Variants in FBXL13 observed in about 807,000 individuals in gnomAD.
FBXL13 encodes F-box and leucine-rich repeat protein 13.
A neutral mutation model predicts 83.6 loss-of-function variants in FBXL13; 67 were observed. The ratio of observed to expected loss-of-function variants is 0.80; its 90% CI spans 0.66 to 0.98. The LOEUF is 0.98. Ranked by LOEUF, FBXL13 falls within the 50% of genes least tolerant of loss-of-function variation. FBXL13 has a pLI of 0.00. For missense variants in FBXL13, 822 were observed against 866.5 expected (o/e 0.95, Z 0.64); for synonymous variants, 272 against 299.5 (o/e 0.91, Z 0.95).
At chr7:102,935,235 T>C (rs1353913057) in intron 8 of FBXL13, among the ~76,000 whole-genome samples, 4 of 129,944 alleles carry the variant, frequency 3.1e-5, no homozygotes, top group African/African-American at 1.1e-4. Context: ...CCTTTTTTTT[T>C]TTCTTTCTTT....
chr7:102,926,111 AC>A (rs765517275), intron 10 of FBXL13, among the ~76,000 whole-genome samples, 162 bp downstream of exon 11: 5 of 152,222 alleles, frequency 3.3e-5, no homozygotes, highest in Non-Finnish European at 7.3e-5. Context: ...CAGTTCAGGC[AC>A]CAGCTTAGGG....
At chr7:102,830,613 C>T (rs891974903) in intron 18 of FBXL13, among the ~76,000 whole-genome samples, 1 of 152,154 alleles carries the variant, frequency 6.6e-6, no homozygotes, top group Non-Finnish European at 1.5e-5. Context: ...TCACGGTTTA[C>T]CACATCTTTT....
chr7:103,002,303 C>T (rs1218282179), intron 6 of FBXL13, among the ~76,000 whole-genome samples: 3 of 152,148 alleles, frequency 2.0e-5, no homozygotes, highest in Non-Finnish European at 4.4e-5. Flanking sequence ...TAAAACTCTA[C>T]ACTTTAACTC....
Position 102,959,766 on chromosome 7 carries a change from C to A in FBXL13, c.724+3767G>T, listed in dbSNP as rs1169338076. ...AAAGACAAATATCACAATGGAAGTACAAAGCAGTCAGTCTGGAAAAAATTG... is the reference window on the plus strand; with the variant it reads ...AAAGACAAATATCACAATGGAAGTAAAAAGCAGTCAGTCTGGAAAAAATTG... On this transcript the variant is annotated intron_variant, in intron 8 of 19. Coordinates refer to ENST00000313221, the Ensembl canonical transcript of FBXL13. 2.0e-5 allele frequency among the ~76,000 whole-genome samples: 3 copies of A among 151,828 alleles called. No homozygotes were observed. The East Asian group carries it at 5.8e-4, about 29-fold the overall frequency.
intron 17 of FBXL13, among the ~76,000 whole-genome samples, chr7:102,840,701 T>C (rs1802775202): frequency 6.6e-6 from 1 of 152,108 alleles, no homozygotes; most frequent in Non-Finnish European, 1.5e-5. Context: ...TAAGAGGTGA[T>C]CTAATCAAGG....
intron 8 of FBXL13, among the ~76,000 whole-genome samples, chr7:102,947,626 T>A (rs954517249): frequency 3.9e-5 from 6 of 152,192 alleles, no homozygotes; most frequent in Non-Finnish European, 8.8e-5. Context: ...TACTTTATAG[T>A]TACTCTTGTA....
intron 18 of FBXL13, among the ~76,000 whole-genome samples, chr7:102,824,645 C>A (rs1799305572): frequency 6.6e-6 from 1 of 152,118 alleles, no homozygotes; most frequent in Non-Finnish European, 1.5e-5. Flanking sequence ...GCCACCACGC[C>A]CAACTAATTT....
At chr7:102,866,922 C>T (rs1807732935) in intron 16 of FBXL13, among the ~76,000 whole-genome samples, 2 of 152,142 alleles carry the variant, frequency 1.3e-5, no homozygotes, top group Admixed American at 1.3e-4. Flanking sequence ...TATAGGGAGA[C>T]AGGCATGGAA....
intron 6 of FBXL13, among the ~76,000 whole-genome samples, chr7:103,003,357 G>A (rs1241433413): frequency 3.0e-5 from 4 of 132,758 alleles, no homozygotes; most frequent in South Asian, 2.4e-4. Flanking sequence ...GTGTGATCTC[G>A]GCTCACTGCA....
intron 6 of FBXL13, among the ~76,000 whole-genome samples, chr7:102,993,382 G>A (rs985637897): frequency 2.6e-5 from 4 of 152,120 alleles, no homozygotes; most frequent in African/African-American, 7.2e-5. Context: ...AAATCTGAAG[G>A]TGATTTTATA....
chr7:102,910,120 G>A (rs1489510666), intron 11 of FBXL13, among the ~76,000 whole-genome samples: 5 of 152,064 alleles, frequency 3.3e-5, no homozygotes, highest in South Asian at 2.1e-4. Flanking sequence ...TGCTCCCTCC[G>A]TGGGTGGGCA....
At chr7:103,036,104 A>G (rs903290697) in intron 2 of FBXL13, among the ~76,000 whole-genome samples, 1 of 152,168 alleles carries the variant, frequency 6.6e-6, no homozygotes, top group Non-Finnish European at 1.5e-5. Flanking sequence ...CAAAGGATCT[A>G]GGTTGTGCAT....
intron 11 of FBXL13, among the ~76,000 whole-genome samples, chr7:102,899,781 A>T (rs1304625309): frequency 6.6e-6 from 1 of 152,182 alleles, no homozygotes; most frequent in African/African-American, 2.4e-5. Context: ...TGTGTATCTA[A>T]TCCCCAAAGA....
intron 5 of FBXL13, among the ~76,000 whole-genome samples, chr7:103,026,022 T>C (rs2129488288): frequency 6.6e-6 from 1 of 151,040 alleles, no homozygotes; most frequent in South Asian, 2.1e-4. Context: ...GATGATATTA[T>C]AGTACATATA....
At chr7:102,941,747 CAA>C (rs111478330) in intron 8 of FBXL13, among the ~76,000 whole-genome samples, 8 of 131,286 alleles carry the variant, frequency 6.1e-5, no homozygotes, top group Admixed American at 7.6e-5. Context: ...AAAGCTGTCT[CAA>C]AAAAAAAAAA....
At chr7:102,992,856 C>T (rs953759014) in intron 6 of FBXL13, among the ~76,000 whole-genome samples, 1 of 152,222 alleles carries the variant, frequency 6.6e-6, no homozygotes, top group Admixed American at 6.5e-5. Flanking sequence ...ATCCACCTGC[C>T]TGTGCCTCCA....
At chr7:102,996,466 AAAC>A (rs1381351212) in intron 6 of FBXL13, among the ~76,000 whole-genome samples, 4 of 152,174 alleles carry the variant, frequency 2.6e-5, no homozygotes, top group Admixed American at 6.5e-5. Flanking sequence ...ACTGCAACCT[AAAC>A]AACATCTTTT....
At chr7:102,839,931 T>C (rs1332303771) in intron 17 of FBXL13, among the ~76,000 whole-genome samples, 1 of 152,142 alleles carries the variant, frequency 6.6e-6, no homozygotes, top group Non-Finnish European at 1.5e-5. Context: ...AAAAAAATTG[T>C]GTTGTTCATT....
exon 20 of FBXL13, chr7:102,813,473 G>T (rs1797582225): frequency 6.2e-7 from 1 of 1,613,990 alleles, no homozygotes; most frequent in African/African-American, 1.3e-5. Context: ...CAACGTGGAG[G>T]GTCATTAGTG....
Sources: gnomAD v4.1 joint callset for allele counts (sites outside exome capture counted in the v4.1 genomes callset) on GRCh38, gnomAD v4.1.1 for gene constraint, MANE v1.5 for transcripts, NCBI Gene and HGNC (gene_info 2026-07-23, HGNC 2026-07-21) for gene names.